The following CDH13 variants were observed in gnomAD, a reference collection of about 807,000 sequenced individuals.
CDH13 encodes cadherin-13.
CDH13 carries 24 observed loss-of-function variants against 63.8 expected under a neutral mutation model. The observed-to-expected ratio is 0.38, with a 90% CI of 0.27 to 0.53. The LOEUF is 0.53. Among genes scored for constraint, CDH13 ranks in the 20% least tolerant of loss-of-function variants. CDH13 has a pLI of 0.85. For missense variants in CDH13, 1,049 were observed against 903.1 expected (o/e 1.16, Z -2.07); for synonymous variants, 503 against 355.3 (o/e 1.42, Z -4.67).
At chr16:83,385,824 T>C (rs2091662573) in intron 6 of CDH13, among the ~76,000 whole-genome samples, 1 of 152,138 alleles carries the variant, frequency 6.6e-6, no homozygotes, top group African/African-American at 2.4e-5. Flanking sequence ...ACTATCTCCT[T>C]TTGGGGCTGA....
chr16:82,922,832 T>C (rs1178011321), intron 2 of CDH13, among the ~76,000 whole-genome samples: 1 of 152,194 alleles, frequency 6.6e-6, no homozygotes, highest in African/African-American at 2.4e-5. Context: ...TAACTACTTT[T>C]TGAGCTTCTG....
intron 6 of CDH13, among the ~76,000 whole-genome samples, chr16:83,366,710 A>G (rs1325325415): frequency 6.6e-6 from 1 of 152,108 alleles, no homozygotes; most frequent in Non-Finnish European, 1.5e-5. Flanking sequence ...TAGGTCCCTT[A>G]ATGTACTTGT....
chr16:82,893,188 A>G (rs903727777), intron 2 of CDH13, among the ~76,000 whole-genome samples: 1 of 152,246 alleles, frequency 6.6e-6, no homozygotes, highest in Non-Finnish European at 1.5e-5. Flanking sequence ...TACTAGAGCC[A>G]ATTAGATATT....
At chr16:82,995,542 C>T (rs1376331362) in intron 2 of CDH13, among the ~76,000 whole-genome samples, 2 of 152,204 alleles carry the variant, frequency 1.3e-5, no homozygotes, top group Non-Finnish European at 2.9e-5. Flanking sequence ...CCAATACCAT[C>T]AAGCCACCAT....
intron 4 of CDH13, among the ~76,000 whole-genome samples, chr16:83,128,426 T>G (rs1328647969): frequency 6.6e-6 from 1 of 152,200 alleles, no homozygotes; most frequent in Non-Finnish European, 1.5e-5. Flanking sequence ...TCTAGGTGAT[T>G]GTGATGCACA....
intron 2 of CDH13, among the ~76,000 whole-genome samples, chr16:82,886,809 C>G (rs922833391): frequency 6.6e-6 from 1 of 152,104 alleles, no homozygotes; most frequent in Admixed American, 6.5e-5. Context: ...CCAAGTGACT[C>G]GGAAGTTGCT....
rs181661726 is a variant in CDH13, at chr16:83,620,340, G to A, written c.1101+17746G>A. Among the ~76,000 whole-genome samples, 262 of 143,614 alleles carry A rather than the reference G, an allele frequency of 1.8e-3. 3 individuals carry two copies. Among genetic ancestry groups the A allele is most frequent in the East Asian group, 0.012 (60 of 4,828 alleles). The allele number at this position is 143,614 out of a possible 152,430, so 94.2% of individuals were successfully genotyped here. A position where few individuals can be genotyped will look rare whatever the true frequency, so the allele number is the denominator to read the frequency against. On this transcript the variant is annotated intron_variant, in intron 8 of 13. Coordinates refer to ENST00000567109, the MANE Select transcript of CDH13 (RefSeq NM_001257.5). ...CAGGAGGCGGAGGTTGCAATGAGCC[G>A]AGATCGCACCACTGCACTACAACCT...
intron 3 of CDH13, among the ~76,000 whole-genome samples, chr16:83,082,503 G>A (rs1330737394): frequency 6.6e-6 from 1 of 151,948 alleles, no homozygotes; most frequent in African/African-American, 2.4e-5. Context: ...TGTGGTGGTG[G>A]GTACCTGTAA....
chr16:82,682,602 C>A (rs935285443), intron 1 of CDH13, among the ~76,000 whole-genome samples: 1 of 152,204 alleles, frequency 6.6e-6, no homozygotes, highest in Admixed American at 6.5e-5. Context: ...AATATCTACA[C>A]TATGTAATTA....
At chr16:82,722,057 A>T (rs2032809162) in intron 1 of CDH13, among the ~76,000 whole-genome samples, 1 of 152,208 alleles carries the variant, frequency 6.6e-6, no homozygotes, top group Non-Finnish European at 1.5e-5. Context: ...GGATTCAAGG[A>T]AGACTTGTTG....
At chr16:83,739,583 C>G (rs961408050) in intron 10 of CDH13, among the ~76,000 whole-genome samples, 7 of 151,948 alleles carry the variant, frequency 4.6e-5, no homozygotes, top group Non-Finnish European at 7.4e-5. Flanking sequence ...AACTAAGCCC[C>G]CTTTGACAGC....
At chr16:83,658,584 C>T (rs1598426482) in intron 8 of CDH13, among the ~76,000 whole-genome samples, 1 of 148,332 alleles carries the variant, frequency 6.7e-6, no homozygotes, top group East Asian at 2.1e-4. Flanking sequence ...TCCTCACCAG[C>T]AAGGTCCCAT....
intron 5 of CDH13, among the ~76,000 whole-genome samples, chr16:83,248,675 T>C (rs1052344730): frequency 2.0e-5 from 3 of 152,206 alleles, no homozygotes; most frequent in African/African-American, 7.2e-5. Context: ...TTCTCTTTCA[T>C]GAACTTCTCT....
At chr16:83,681,282 A>G (rs998166407) in intron 10 of CDH13, among the ~76,000 whole-genome samples, 1 of 151,608 alleles carries the variant, frequency 6.6e-6, no homozygotes, top group African/African-American at 2.4e-5. Context: ...AACCTTGTGA[A>G]CCCCACAGAA....
chr16:83,127,469 C>A (rs1269699115), intron 4 of CDH13, among the ~76,000 whole-genome samples: 2 of 152,200 alleles, frequency 1.3e-5, no homozygotes, highest in African/African-American at 4.8e-5. Context: ...GTGGTTCACG[C>A]CTGTAATCCC....
intron 1 of CDH13, among the ~76,000 whole-genome samples, chr16:82,764,262 G>T (rs1468460997): frequency 6.6e-6 from 1 of 152,148 alleles, no homozygotes; most frequent in African/African-American, 2.4e-5. Flanking sequence ...CAGAACTGGG[G>T]GATCTAGAAA....
chr16:83,559,039 C>A (rs920101002), intron 7 of CDH13, among the ~76,000 whole-genome samples: 2 of 152,104 alleles, frequency 1.3e-5, no homozygotes, highest in Non-Finnish European at 2.9e-5. Context: ...TCCAGGAGTT[C>A]CTGGTGGGAG....
At chr16:83,281,747 TAA>T (rs58599942) in intron 5 of CDH13, among the ~76,000 whole-genome samples, 5 of 134,378 alleles carry the variant, frequency 3.7e-5, no homozygotes, top group African/African-American at 5.5e-5. Context: ...CATCTGTGCT[TAA>T]AAAAAAAAAA....
intron 3 of CDH13, among the ~76,000 whole-genome samples, chr16:83,088,761 G>T (rs2033741077): frequency 6.6e-6 from 1 of 152,160 alleles, no homozygotes; most frequent in Admixed American, 6.5e-5. Flanking sequence ...AATGCTTCAA[G>T]CAAATAAATG....
Sources: allele counts gnomAD v4.1 joint callset (sites outside exome capture counted in the v4.1 genomes callset), GRCh38; gene constraint gnomAD v4.1.1; transcripts MANE v1.5; gene names NCBI Gene and HGNC (gene_info 2026-07-23, HGNC 2026-07-21).